Variants in HTRA3 observed in about 807,000 individuals in gnomAD.
HTRA3 encodes the protein HtrA serine peptidase 3.
A neutral mutation model predicts 43.2 loss-of-function variants in HTRA3; 41 were observed. The ratio of observed to expected loss-of-function variants is 0.95; its 90% CI spans 0.74 to 1.23. The LOEUF is 1.23. Among genes scored for constraint, HTRA3 ranks in the 50% most tolerant of loss-of-function variants. The pLI, the probability that HTRA3 is intolerant of heterozygous loss-of-function variation, is 0.00. For missense variants in HTRA3, 628 were observed against 647.1 expected (o/e 0.97, Z 0.32); for synonymous variants, 295 against 287.9 (o/e 1.02, Z -0.25).
intron 1 of HTRA3, among the ~76,000 whole-genome samples, chr4:8,271,102 G>A (rs1185615753): frequency 6.6e-6 from 1 of 152,160 alleles, no homozygotes; most frequent in African/African-American, 2.4e-5. Flanking sequence ...GGTCCTGCGT[G>A]CCATCAGCTT....
At position 8,294,213 on chromosome 4, in the gene HTRA3, A is replaced by T; in HGVS notation, c.1051+12A>T. 6.3e-7 allele frequency: 1 copy of T among 1,585,304 alleles called. No homozygotes were observed. The highest frequency in any genetic ancestry group is 1.3e-5 in the African/African-American group (1 of 74,148). On this transcript the variant is annotated intron_variant, in intron 6 of 8. Transcript: ENST00000307358. ...CAAGCAGATCAAAGGTAAAGAGCTC[A>T]CCTGGAGGGGGCCAGAGGCAGGGGG...
At chr4:8,294,945 A>C (rs1181354181) in intron 6 of HTRA3, among the ~76,000 whole-genome samples, 1 of 147,006 alleles carries the variant, frequency 6.8e-6, no homozygotes, top group African/African-American at 2.5e-5. Flanking sequence ...TCATCCACCC[A>C]TCCATCCGTC....
At position 8,306,010 on chromosome 4, in the gene HTRA3, C is replaced by T. The variant is rs777185481; in HGVS notation, c.1236C>T (p.Asn412=). 2.9e-5 allele frequency: 46 copies of T among 1,612,340 alleles called. No individual in the cohort carries two copies. The highest frequency in any genetic ancestry group is 1.0e-4 in the Admixed American group (6 of 59,792). The part of the protein sequence containing the change: ...IQDGDIIVKV[N]GRPLVDSSEL... ...ATGGTGACATCATCGTCAAGGTCAA[C>T]GGGCGTCCTCTAGTGGACTCGAGTG... Residue 412 remains asparagine (N), a synonymous_variant, in exon 9 of 9, where the codon AAC becomes AAT. Transcript: ENST00000307358. The surrounding 1 kb of genome is among the most constrained non-coding windows in gnomAD (Gnocchi z 8.9).
chr4:8,294,850 C>T (rs1713400504), intron 6 of HTRA3, among the ~76,000 whole-genome samples: 1 of 141,814 alleles, frequency 7.1e-6, no homozygotes, highest in South Asian at 2.5e-4. Context: ...ATCCACCTAT[C>T]CATCATCCAT....
chr4:8,276,776 G>C lies in HTRA3; in HGVS notation c.386-5661G>C, dbSNP rs1489891622. 2.6e-5 allele frequency among the ~76,000 whole-genome samples: 4 copies of C among 152,232 alleles called. No homozygotes were observed. The East Asian group carries it at 7.7e-4, about 29-fold the overall frequency. On this transcript the variant is annotated intron_variant, in intron 1 of 8. Transcript: ENST00000307358. ...TCGGGTCTAGGTTGAGCTTTTCTGGGGCTGGACAGGTTGTCACATTTGCCA... is the reference window on the plus strand; with the variant it reads ...TCGGGTCTAGGTTGAGCTTTTCTGGCGCTGGACAGGTTGTCACATTTGCCA...
At chr4:8,305,586 T>C (rs1432306264) in intron 8 of HTRA3, among the ~76,000 whole-genome samples, 8 of 152,218 alleles carry the variant, frequency 5.3e-5, no homozygotes, top group African/African-American at 1.7e-4. Flanking sequence ...GCCTCCCACA[T>C]AGACGTCTTC....
intron 2 of HTRA3, among the ~76,000 whole-genome samples, chr4:8,284,179 G>A (rs76993821): frequency 0.073 from 11,153 of 152,218 alleles, 1,060 homozygotes; most frequent in African/African-American, 0.22. Flanking sequence ...CCGGTGCCCC[G>A]TGCTGATGGA....
intron 1 of HTRA3, among the ~76,000 whole-genome samples, chr4:8,272,650 G>T (rs1029628072): frequency 6.6e-6 from 1 of 152,254 alleles, no homozygotes; most frequent in Non-Finnish European, 1.5e-5. Context: ...ACCCAGCAAG[G>T]TCAGGAGAGG....
At position 8,286,257 on chromosome 4, in the gene HTRA3, G is replaced by A. The variant is rs919524134; in HGVS notation, c.486-304G>A. The stretch of plus-strand genomic sequence containing the variant: ...CCTGGTCTGTCTGGCTCCGTGCTCC[G>A]TAGTCAGGATGGCGAGTGCAAGCTG... On this transcript the variant is annotated intron_variant, in intron 2 of 8. Coordinates refer to ENST00000307358, the MANE Select transcript of HTRA3 (RefSeq NM_053044.5). The surrounding 1 kb of genome is among the most constrained non-coding windows in gnomAD (Gnocchi z 4.9). Among the ~76,000 whole-genome samples the A allele has an allele frequency of 3.3e-5, 5 of 152,180 alleles. No individual in the cohort carries two copies. The highest frequency in any genetic ancestry group is 3.8e-4 in the East Asian group (2 of 5,196).
At position 8,302,483 on chromosome 4, in the gene HTRA3, G is replaced by A. The variant is rs1713687859; in HGVS notation, c.1072G>A (p.Gly358Ser). Reference protein sequence around the residue: ...QIKDWKKRFIGIRMRTITPSL... With the variant: ...QIKDWKKRFISIRMRTITPSL... ...TCCAGACTGGAAGAAGCGCTTCATCGGCATACGGATGCGGACGATCACACC... is the reference window on the plus strand; with the variant it reads ...TCCAGACTGGAAGAAGCGCTTCATCAGCATACGGATGCGGACGATCACACC... Residue 358 changes from glycine to serine, a missense_variant, in exon 7 of 9, where the codon GGC becomes AGC. Transcript: ENST00000307358. 5 of 1,613,906 alleles carry A rather than the reference G, an allele frequency of 3.1e-6. No individual in the cohort carries two copies. The highest frequency in any genetic ancestry group is 3.3e-5 in the Admixed American group (2 of 59,986).
intron 3 of HTRA3, among the ~76,000 whole-genome samples, chr4:8,288,891 TTCCG>T (rs368482280): frequency 3.4e-5 from 3 of 88,110 alleles, no homozygotes; most frequent in African/African-American, 7.5e-5. Flanking sequence ...CCTTCCTTCC[TTCCG>T]TCCGTCCTTC....
chr4:8,275,169 G>A (rs1311181352), intron 1 of HTRA3, among the ~76,000 whole-genome samples: 1 of 152,240 alleles, frequency 6.6e-6, no homozygotes, highest in Non-Finnish European at 1.5e-5. Context: ...AGCCGGACTG[G>A]AGCTGAGACC....
chr4:8,287,435 G>A (rs1488462595), intron 3 of HTRA3, among the ~76,000 whole-genome samples: 4 of 152,198 alleles, frequency 2.6e-5, no homozygotes, highest in Non-Finnish European at 4.4e-5. Context: ...AAGAGGGTTC[G>A]TTGACTCAGA....
chr4:8,273,372 C>A (rs1248693821), intron 1 of HTRA3, among the ~76,000 whole-genome samples: 1 of 152,164 alleles, frequency 6.6e-6, no homozygotes, highest in East Asian at 1.9e-4. Flanking sequence ...CAGGCGCTGC[C>A]GGGCATTTCT....
intron 8 of HTRA3, among the ~76,000 whole-genome samples, chr4:8,304,685 C>G: frequency 7.2e-6 from 1 of 139,660 alleles, no homozygotes; most frequent in Non-Finnish European, 1.5e-5. Flanking sequence ...GAGACAGTCT[C>G]CCTCTTGTTG....
At chr4:8,287,979 C>T (rs1031432593) in intron 3 of HTRA3, among the ~76,000 whole-genome samples, 7 of 152,228 alleles carry the variant, frequency 4.6e-5, no homozygotes, top group African/African-American at 1.4e-4. Context: ...CTCACACCAG[C>T]GTTGGACCCG....
chr4:8,283,553 ACT>A (rs1712841428), intron 2 of HTRA3, among the ~76,000 whole-genome samples: 1 of 151,802 alleles, frequency 6.6e-6, no homozygotes. Context: ...AGACTGAATG[ACT>A]CTTCTGAAGT....
intron 6 of HTRA3, among the ~76,000 whole-genome samples, chr4:8,299,542 T>C (rs1328234665): frequency 6.6e-6 from 1 of 152,236 alleles, no homozygotes; most frequent in African/African-American, 2.4e-5. Context: ...TGGACATCCT[T>C]GTCCCGTTCG....
chr4:8,289,032 G>A (rs1404062423), intron 3 of HTRA3, among the ~76,000 whole-genome samples: 14 of 149,510 alleles, frequency 9.4e-5, no homozygotes, highest in African/African-American at 2.5e-4. Context: ...TCACTGCAGC[G>A]TCAAACTCCT....
Sources: gnomAD v4.1 joint callset for allele counts (sites outside exome capture counted in the v4.1 genomes callset) on GRCh38, gnomAD v4.1.1 for gene constraint, Gnocchi (gnomAD v3.1) non-coding constraint, MANE v1.5 for transcripts, NCBI Gene and HGNC (gene_info 2026-07-23, HGNC 2026-07-21) for gene names.